PDE1A: variants seen among roughly 807,000 people sequenced by gnomAD.
PDE1A encodes dual specificity calcium/calmodulin-dependent 3',5'-cyclic nucleotide phosphodiesterase 1A.
In PDE1A, 35 loss-of-function variants were observed where a neutral mutation model predicts 61.7. The observed-to-expected ratio is 0.57, with a 90% confidence interval of 0.43 to 0.75. The LOEUF (loss-of-function observed/expected upper bound fraction) is 0.75. Among genes scored for constraint, PDE1A ranks in the 30% least tolerant of loss-of-function variants. The probability of loss-of-function intolerance (pLI) is 0.00; values close to 1 mark genes in which losing one functional copy is unlikely to be tolerated. For synonymous variants in PDE1A, 232 were observed against 213.2 expected, an observed-to-expected ratio of 1.09 and a Z score of -0.77; for missense variants, 597 against 630.6, an observed-to-expected ratio of 0.95 and a Z score of 0.57.
intron 2 of PDE1A, among the ~76,000 whole-genome samples, chr2:182,483,621 A>C (rs1203101779): frequency 6.6e-6 from 1 of 151,944 alleles, no homozygotes; most frequent in Non-Finnish European, 1.5e-5. Context: ...ACAACTCATC[A>C]ATGTATGAGA....
chr2:182,541,576 A>G, the PDE1A span, among the ~76,000 whole-genome samples: 1 of 152,156 alleles, frequency 6.6e-6, no homozygotes, highest in Non-Finnish European at 1.5e-5. Flanking sequence ...AATAAATGCA[A>G]TATATTATGC....
At chr2:182,565,137 TAG>T in the PDE1A span, among the ~76,000 whole-genome samples, 1 of 152,238 alleles carries the variant, frequency 6.6e-6, no homozygotes, top group Non-Finnish European at 1.5e-5. Flanking sequence ...CTCTGCTTTT[TAG>T]AGTTTCCAGT....
the PDE1A span, among the ~76,000 whole-genome samples, chr2:182,681,948 C>CA: frequency 6.6e-6 from 1 of 152,268 alleles, no homozygotes; most frequent in African/African-American, 2.4e-5. Flanking sequence ...GCCCGGCCTA[C>CA]TCTTTCTCTT....
the PDE1A span, among the ~76,000 whole-genome samples, chr2:182,564,060 A>C: frequency 6.6e-6 from 1 of 152,120 alleles, no homozygotes; most frequent in Non-Finnish European, 1.5e-5. Flanking sequence ...TTACATTTAA[A>C]GTTAATATTG....
At chr2:182,184,853 A>G (rs10206325) in intron 13 of PDE1A, among the ~76,000 whole-genome samples, 113,301 of 152,004 alleles carry the variant, frequency 0.75, 42,467 homozygotes, top group East Asian at 0.91. Flanking sequence ...AAGTGCTCCC[A>G]CTTTATTATC....
intron 1 of PDE1A, among the ~76,000 whole-genome samples, chr2:182,266,571 G>T (rs1372118370): frequency 1.3e-5 from 2 of 152,088 alleles, no homozygotes; most frequent in Non-Finnish European, 2.9e-5. Context: ...CTGAAAAACT[G>T]CATTCTACTT....
the PDE1A span, among the ~76,000 whole-genome samples, chr2:182,618,096 C>T: frequency 6.6e-6 from 1 of 152,138 alleles, no homozygotes; most frequent in Non-Finnish European, 1.5e-5. Flanking sequence ...ATGTCACGGA[C>T]ATTGTGTTGT....
At chr2:182,438,503 G>C (rs995678706) in intron 2 of PDE1A, among the ~76,000 whole-genome samples, 1 of 152,010 alleles carries the variant, frequency 6.6e-6, no homozygotes, top group Non-Finnish European at 1.5e-5. Context: ...AAGAGGCAAA[G>C]AGGGGAGAGA....
At chr2:182,289,461 A>C (rs1223000737) in intron 1 of PDE1A, among the ~76,000 whole-genome samples, 1 of 152,108 alleles carries the variant, frequency 6.6e-6, no homozygotes, top group Non-Finnish European at 1.5e-5. Context: ...TAGCAGCCAG[A>C]ACAAGTTAAA....
chr2:182,583,697 T>C, the PDE1A span, among the ~76,000 whole-genome samples: 1 of 152,238 alleles, frequency 6.6e-6, no homozygotes, highest in African/African-American at 2.4e-5. Flanking sequence ...TGTTTAACTT[T>C]TTCCAGTGCA....
chr2:182,198,266 C>A (rs1045523076), intron 10 of PDE1A, among the ~76,000 whole-genome samples: 1 of 151,806 alleles, frequency 6.6e-6, no homozygotes, highest in African/African-American at 2.4e-5. Context: ...TAGTAAGTAG[C>A]CTTTTGTAGA....
chr2:182,545,581 A>T, the PDE1A span, among the ~76,000 whole-genome samples: 1 of 152,206 alleles, frequency 6.6e-6, no homozygotes, highest in African/African-American at 2.4e-5. Context: ...AACTGTGACT[A>T]AGTAGCTAGA....
intron 2 of PDE1A, among the ~76,000 whole-genome samples, chr2:182,253,585 C>A (rs1295120213): frequency 6.6e-6 from 1 of 152,094 alleles, no homozygotes; most frequent in African/African-American, 2.4e-5. Flanking sequence ...AGAATCATAT[C>A]ACATGTCCAA....
chr2:182,686,772 T>G, the PDE1A span, among the ~76,000 whole-genome samples: 1 of 152,226 alleles, frequency 6.6e-6, no homozygotes, highest in Admixed American at 6.5e-5. Flanking sequence ...GGGAATTCCC[T>G]TTCATAGCCA....
chr2:182,527,555 CAAAAAAAG>C (rs1690797624), upstream of PDE1A, among the ~76,000 whole-genome samples: 3 of 145,962 alleles, frequency 2.1e-5, no homozygotes, highest in East Asian at 2.0e-4. Context: ...GACCCCATGT[CAAAAAAAG>C]AAAAAAAGAA....
chr2:182,180,488 C>T (rs1177743187), intron 13 of PDE1A, among the ~76,000 whole-genome samples: 2 of 152,068 alleles, frequency 1.3e-5, no homozygotes, highest in Non-Finnish European at 2.9e-5. Flanking sequence ...TGTAGGTGAC[C>T]TGACCTTTTT....
the PDE1A span, among the ~76,000 whole-genome samples, chr2:182,689,158 C>G: frequency 6.6e-6 from 1 of 152,180 alleles, no homozygotes; most frequent in Non-Finnish European, 1.5e-5. Flanking sequence ...GAATTGAACT[C>G]AGGTCTGCAC....
At chr2:182,317,578 A>G (rs1174550955) in intron 1 of PDE1A, among the ~76,000 whole-genome samples, 1 of 152,166 alleles carries the variant, frequency 6.6e-6, no homozygotes, top group Non-Finnish European at 1.5e-5. Flanking sequence ...GAGTGCTGCA[A>G]CAAGGAAAAG....
the PDE1A span, among the ~76,000 whole-genome samples, chr2:182,601,795 T>C: frequency 1.3e-5 from 2 of 151,912 alleles, no homozygotes; most frequent in African/African-American, 4.8e-5. Context: ...GACCCTGGAG[T>C]GGGAAGCTTC....
Sources: allele counts gnomAD v4.1 joint callset (sites outside exome capture counted in the v4.1 genomes callset), GRCh38; gene constraint gnomAD v4.1.1; transcripts MANE v1.5; gene names NCBI Gene and HGNC (gene_info 2026-07-23, HGNC 2026-07-21).